The following RNF212B variants were observed in gnomAD, a reference collection of about 807,000 sequenced individuals.
The protein encoded by RNF212B is ring finger protein 212B, also known as E3 ubiquitin-protein ligase RNF212B.
In RNF212B, 52 loss-of-function variants were observed where a neutral mutation model predicts 55.5. The observed-to-expected ratio is 0.94, with a 90% CI of 0.75 to 1.18. The LOEUF (loss-of-function observed/expected upper bound fraction) is 1.18, where lower values mean the gene tolerates loss of function less well. Ranked by LOEUF, RNF212B falls within the 50% of genes most tolerant of loss-of-function variation. RNF212B has a pLI of 0.00. For synonymous variants in RNF212B, 99 were observed against 121.4 expected (o/e 0.82, Z 1.21); for missense variants, 289 against 350.4 (o/e 0.82, Z 1.40).
chr14:23,253,222 A>G (rs907834958), intron 4 of RNF212B, among the ~76,000 whole-genome samples: 2 of 152,174 alleles, frequency 1.3e-5, no homozygotes, highest in Non-Finnish European at 2.9e-5. Flanking sequence ...ATATTATCAA[A>G]TTATCAGTCC....
At chr14:23,267,752 A>G (rs865793816) in intron 11 of RNF212B, among the ~76,000 whole-genome samples, 2 of 152,176 alleles carry the variant, frequency 1.3e-5, no homozygotes, top group Middle Eastern at 3.4e-3. Context: ...CTTAAAGTCT[A>G]TTTTGTCTGA....
At chr14:23,232,968 G>A (rs1454340322), upstream of RNF212B, among the ~76,000 whole-genome samples, 7 of 152,204 alleles carry the variant, frequency 4.6e-5, no homozygotes, top group Admixed American at 3.9e-4. Context: ...GAATAGAAAA[G>A]GGGGAAAGGT....
At position 23,222,014 on chromosome 14, in the gene RNF212B, A is replaced by G. The variant is rs149219959; in HGVS notation, c.-1-18331A>G. On this transcript the variant is annotated intron_variant, in intron 2 of 15. Coordinates refer to the RNF212B transcript ENST00000399910. ...AGTATTAAGAGGGAAATGTATAGCT[A>G]TAAGTGTCTACATCAAAAAGGAAGA... Among the ~76,000 whole-genome samples, 80 of 152,322 alleles carry G rather than the reference A, an allele frequency of 5.3e-4. No individual in the cohort carries two copies. In the East Asian group the frequency reaches 0.014, roughly 26 times the overall value.
At chr14:23,213,545 C>T (rs775630351) in intron 2 of RNF212B, among the ~76,000 whole-genome samples, 6 of 152,116 alleles carry the variant, frequency 3.9e-5, no homozygotes, top group Non-Finnish European at 8.8e-5. Flanking sequence ...CTCTGGGTAT[C>T]AGCAAATCAC....
upstream of RNF212B, among the ~76,000 whole-genome samples, chr14:23,234,699 T>C (rs1432802211): frequency 6.6e-6 from 1 of 152,278 alleles, no homozygotes; most frequent in Non-Finnish European, 1.5e-5. Context: ...AGACGTTTTA[T>C]AATATATTTT....
At chr14:23,237,182 T>C (rs1229520716), upstream of RNF212B, among the ~76,000 whole-genome samples, 1 of 151,616 alleles carries the variant, frequency 6.6e-6, no homozygotes, top group Non-Finnish European at 1.5e-5. Context: ...CAGGCTGAAG[T>C]GCAGTGGCGC....
intron 1 of RNF212B, among the ~76,000 whole-genome samples, chr14:23,186,923 C>T (rs1042572436): frequency 2.0e-5 from 3 of 152,208 alleles, no homozygotes; most frequent in Admixed American, 6.5e-5. Flanking sequence ...TTTCTTTCAC[C>T]TGAGGGAAAC....
At chr14:23,242,666 A>T (rs1185323314) in intron 2 of RNF212B, among the ~76,000 whole-genome samples, 3 of 152,122 alleles carry the variant, frequency 2.0e-5, no homozygotes, top group Non-Finnish European at 2.9e-5. Context: ...GAAAATTGGG[A>T]ATTTATAAAA....
At chr14:23,229,349 G>A (rs1415486650) in intron 2 of RNF212B, among the ~76,000 whole-genome samples, 7 of 146,586 alleles carry the variant, frequency 4.8e-5, no homozygotes, top group Non-Finnish European at 7.5e-5. Flanking sequence ...TAGGAATATT[G>A]GTGTACACAT....
intron 2 of RNF212B, among the ~76,000 whole-genome samples, chr14:23,215,981 C>A (rs1281992653): frequency 6.6e-6 from 1 of 152,216 alleles, no homozygotes; most frequent in African/African-American, 2.4e-5. Context: ...TGTGGTGGCT[C>A]ATGCCTGTAA....
At chr14:23,187,091 G>A (rs1366260458) in intron 1 of RNF212B, among the ~76,000 whole-genome samples, 2 of 152,120 alleles carry the variant, frequency 1.3e-5, no homozygotes, top group Admixed American at 6.5e-5. Context: ...TCCCAAGTAC[G>A]TAGTACAATT....
intron 6 of RNF212B, 58 bp downstream of exon 6, chr14:23,260,002 A>AG: frequency 1.2e-6 from 1 of 837,216 alleles, no homozygotes; most frequent in Non-Finnish European, 1.9e-6. Flanking sequence ...TCATCTATCT[A>AG]GCTGACTGTA....
At chr14:23,256,060 A>G (rs1884808568) in intron 4 of RNF212B, among the ~76,000 whole-genome samples, 1 of 152,054 alleles carries the variant, frequency 6.6e-6, no homozygotes, top group African/African-American at 2.4e-5. Context: ...ACCCTCCCAT[A>G]GTCCAGTCTG....
chr14:23,258,699 T>TC, intron 5 of RNF212B, 35 bp downstream of exon 5: 1 of 912,070 alleles, frequency 1.1e-6, no homozygotes, highest in Non-Finnish European at 1.6e-6. Flanking sequence ...AGAGCTTTTT[T>TC]TTTTTTTTTT....
intron 2 of RNF212B, among the ~76,000 whole-genome samples, chr14:23,205,652 G>A (rs1048297625): frequency 2.0e-5 from 3 of 152,064 alleles, no homozygotes; most frequent in Non-Finnish European, 4.4e-5. Context: ...ACTAACTTTG[G>A]GAAGGAACTG....
intron 1 of RNF212B, among the ~76,000 whole-genome samples, chr14:23,240,020 A>G (rs552452603): frequency 1.4e-5 from 2 of 146,590 alleles, no homozygotes; most frequent in Non-Finnish European, 3.0e-5. Flanking sequence ...ACACACACTC[A>G]TAACCTCACC....
upstream of RNF212B, among the ~76,000 whole-genome samples, chr14:23,235,073 G>A (rs372035339): frequency 3.3e-5 from 5 of 152,170 alleles, no homozygotes; most frequent in East Asian, 1.9e-4. Context: ...TTAACCAGGC[G>A]TGGTGGCAAA....
chr14:23,198,753 T>C (rs997777885), intron 2 of RNF212B, among the ~76,000 whole-genome samples: 2 of 152,060 alleles, frequency 1.3e-5, no homozygotes, highest in African/African-American at 4.8e-5. Context: ...TATGGGTTAA[T>C]AGTTCTCAAA....
chr14:23,253,106 C>A (rs894206369), intron 4 of RNF212B, among the ~76,000 whole-genome samples: 2 of 152,092 alleles, frequency 1.3e-5, no homozygotes, highest in African/African-American at 4.8e-5. Flanking sequence ...AAGCCAAAAC[C>A]AAATATTACG....
Sources: gnomAD v4.1 joint callset for allele counts (sites outside exome capture counted in the v4.1 genomes callset) on GRCh38, gnomAD v4.1.1 for gene constraint, MANE v1.5 for transcripts, NCBI Gene and HGNC (gene_info 2026-07-23, HGNC 2026-07-21) for gene names.